Variants in ZNF148 observed in about 807,000 individuals in gnomAD.
The protein encoded by ZNF148 is Beta-Enolase Repressor Factor-1.
ZNF148 carries 7 observed loss-of-function variants against 67.7 expected under a neutral mutation model. The ratio of observed to expected loss-of-function variants is 0.10; its 90% CI spans 0.06 to 0.19. The LOEUF is 0.19. ZNF148 is among the 10% of genes least tolerant of loss of function. The pLI is 1.00. For synonymous variants in ZNF148, 333 were observed against 330.7 expected (o/e 1.01, Z -0.08); for missense variants, 583 against 947.1 (o/e 0.62, Z 5.05).
intron 7 of ZNF148, among the ~76,000 whole-genome samples, chr3:125,262,004 A>G (rs1482647359): frequency 6.6e-6 from 1 of 152,168 alleles, no homozygotes; most frequent in Admixed American, 6.5e-5. Flanking sequence ...ACTTTTCACC[A>G]TACAGTTCTA....
At chr3:125,344,894 A>C in intron 1 of ZNF148, 1 of 203,702 alleles carries the variant, frequency 4.9e-6, no homozygotes, top group Non-Finnish European at 9.9e-6. Context: ...TGGGCTCTGG[A>C]TCTCCTCTCA....
At chr3:125,352,791 A>C (rs1942202693) in intron 1 of ZNF148, among the ~76,000 whole-genome samples, 1 of 152,182 alleles carries the variant, frequency 6.6e-6, no homozygotes, top group African/African-American at 2.4e-5. Context: ...AAAGGCAACA[A>C]AACCAGAAGA....
intron 5 of ZNF148, among the ~76,000 whole-genome samples, chr3:125,284,773 T>C (rs1250355351): frequency 1.3e-5 from 2 of 152,204 alleles, no homozygotes; most frequent in Admixed American, 1.3e-4. Context: ...CCACAACAGA[T>C]GCAAATAGCT....
rs116463498 is a variant in ZNF148 at position 125,294,375 on chromosome 3, T to C, written c.334-6147A>G. Among the ~76,000 whole-genome samples the C allele has an allele frequency of 4.8e-3, 736 of 152,348 alleles. 6 individuals carry two copies. Among genetic ancestry groups the C allele is most frequent in the African/African-American group, 0.017 (703 of 41,578 alleles). Reference sequence around the variant, plus strand: ...GTAGTTTAATACTATTTCACCAATGTTAAATTCTTGGTCTTGACAACTGTA... The same window carrying C: ...GTAGTTTAATACTATTTCACCAATGCTAAATTCTTGGTCTTGACAACTGTA... On this transcript the variant is annotated intron_variant, in intron 4 of 8. Transcript: ENST00000360647.
chr3:125,311,406 A>G (rs1002167235), intron 4 of ZNF148: 5 of 152,234 alleles, frequency 3.3e-5, no homozygotes, highest in African/African-American at 1.2e-4. Context: ...TTCTTAAAAG[A>G]GTTTTTGCTT....
chr3:125,305,926 C>T (rs7646487), intron 4 of ZNF148, among the ~76,000 whole-genome samples: 118,093 of 152,026 alleles, frequency 0.78, 46,472 homozygotes, highest in African/African-American at 0.87. Flanking sequence ...ACTCACCAAA[C>T]AGATCATATG....
At chr3:125,294,043 T>C (rs1056536223) in intron 4 of ZNF148, among the ~76,000 whole-genome samples, 1 of 152,240 alleles carries the variant, frequency 6.6e-6, no homozygotes, top group Non-Finnish European at 1.5e-5. Flanking sequence ...ATCCACATTA[T>C]GTGCCCCCGA....
Position 125,328,881 on chromosome 3 carries a change from C to G in ZNF148, c.-153+2277G>C, listed in dbSNP as rs949836440. On this transcript the variant is annotated intron_variant, in intron 2 of 8. Coordinates refer to ENST00000360647, the MANE Select transcript of ZNF148 (RefSeq NM_021964.3). ...TGTCAAAGAGATAGAGAGATCCCCT[C>G]TCTCATAGACTACTGATATTTGGCC... is the stretch of plus-strand genomic sequence containing the variant. Among the ~76,000 whole-genome samples, 6 of 152,040 alleles carry G rather than the reference C, an allele frequency of 3.9e-5. 1 individual carries two copies. The South Asian group carries it at 1.2e-3, about 32-fold the overall frequency.
intron 1 of ZNF148, chr3:125,344,844 G>A (rs1038006247): frequency 5.8e-5 from 18 of 311,358 alleles, no homozygotes; most frequent in East Asian, 8.7e-5. Flanking sequence ...GGTGGCAGGC[G>A]ATGGGACACA....
Position 125,232,197 on chromosome 3 carries a change from T to A in ZNF148, c.*144A>T. On this transcript the variant is annotated 3_prime_UTR_variant, in exon 9 of 9. Transcript: ENST00000360647. This position sits in a 1 kb window ranked among gnomAD's most constrained non-coding sequence, Gnocchi z 4.2. Reference sequence around the variant, plus strand: ...GACTAACCAAACGAAATGCAGTTATTGGATTATCTTGCTATTCATATCAGC... The same window carrying A: ...GACTAACCAAACGAAATGCAGTTATAGGATTATCTTGCTATTCATATCAGC... 4 of 980,926 alleles carry A rather than the reference T, an allele frequency of 4.1e-6. No individual in the cohort carries two copies. The highest frequency in any genetic ancestry group is 5.7e-6 in the Non-Finnish European group (4 of 702,250). The allele number at this position is 980,926 out of a possible 1,614,324, so 60.8% of individuals were successfully genotyped here.
At position 125,246,375 on chromosome 3, in the gene ZNF148, G is replaced by A. The variant is rs939907198; in HGVS notation, c.668-12046C>T. 4.5e-4 allele frequency among the ~76,000 whole-genome samples: 69 copies of A among 152,124 alleles called. 2 individuals carry two copies. The highest frequency in any genetic ancestry group is 3.9e-3 in the Admixed American group (59 of 15,274). On this transcript the variant is annotated intron_variant, in intron 7 of 8. Transcript: ENST00000360647. Reference sequence around the variant, plus strand: ...AAAAAAAGATCATGTACCATTATGTGATGCAACATAAAATAGTACTTAAGA... The same window carrying A: ...AAAAAAAGATCATGTACCATTATGTAATGCAACATAAAATAGTACTTAAGA...
intron 3 of ZNF148, among the ~76,000 whole-genome samples, chr3:125,322,494 A>AAAGT (rs139369460): frequency 1.8e-5 from 1 of 56,194 alleles, no homozygotes; most frequent in South Asian, 4.2e-4. Flanking sequence ...GTGACGTGAC[A>AAAGT]AAGAGCCAGA....
At chr3:125,310,330 T>G (rs1390143183) in intron 4 of ZNF148, among the ~76,000 whole-genome samples, 1 of 152,054 alleles carries the variant, frequency 6.6e-6, no homozygotes, top group African/African-American at 2.4e-5. Flanking sequence ...TCCGCCACTT[T>G]AGCCTCCCAA....
In ZNF148 at chr3:125,233,672, T is replaced by G. The variant is rs1475254622; in HGVS notation, c.1054A>C (p.Ser352Arg). ...ATATACTCATCTTTTACTTTAGTAC[T>G]TGAAGAATAAAGAGGCAAGTAATCA... is the stretch of plus-strand genomic sequence containing the variant. ...KNDYLPLYSS[S>R]TKVKDEYMVA... is the part of the protein sequence containing the mutation. Residue 352 changes from serine (S) to arginine (R), a missense_variant, in exon 9 of 9, where the codon AGT (serine) becomes CGT (arginine). By Grantham distance (110) the Ser-to-Arg change is moderately radical. This residue lies in a region of ZNF148 where 78 missense variants were observed against 86.5 expected (regional missense o/e 0.90). Transcript: ENST00000360647. This position sits in a 1 kb window ranked among gnomAD's most constrained non-coding sequence, Gnocchi z 5.1. 1 of 1,613,996 alleles carries G rather than the reference T, an allele frequency of 6.2e-7. No homozygotes were observed. Among genetic ancestry groups the G allele is most frequent in the Admixed American group, 1.7e-5 (1 of 59,980 alleles).
rs1265752828 is a variant in ZNF148, at chr3:125,233,800, T to A, written c.926A>T (p.Asp309Val). ...CCTTTTCTTTTTTGGCAGTGAGTTG[T>A]CTTTTGGTGATGTAGAAAAGCCAGA... is the stretch of plus-strand genomic sequence containing the variant. ...EDSGFSTSPK[D>V]NSLPKKKRQK... Residue 309 changes from aspartate to valine, a missense_variant, in exon 9 of 9, where the codon GAC becomes GTC. Asp to Val is a radical substitution (Grantham distance 152). Transcript: ENST00000360647. The surrounding 1 kb of genome is among the most constrained non-coding windows in gnomAD (Gnocchi z 5.1). 6.2e-7 allele frequency: 1 copy of A among 1,613,940 alleles called. No homozygotes were observed.
At chr3:125,293,832 C>T (rs1229993134) in intron 4 of ZNF148, among the ~76,000 whole-genome samples, 2 of 152,072 alleles carry the variant, frequency 1.3e-5, no homozygotes, top group Non-Finnish European at 2.9e-5. Context: ...TGGTAATAAC[C>T]ATTACAGGCA....
rs1329384892 is a variant in ZNF148 at position 125,288,118 on chromosome 3, T to C, written c.444A>G (p.Gln148=). The C allele has an allele frequency of 8.1e-6, 13 of 1,613,878 alleles. No homozygotes were observed. Among genetic ancestry groups the C allele is most frequent in the South Asian group, 2.2e-5 (2 of 91,082 alleles). The part of the protein sequence containing the change: ...VDLQKKKKRK[Q]RSPAKILTIN... ...ATTGTCTTACTTTTGCGGGAGAACGTTGTTTCCGCTTCTTCTTTTTCTGTA... is the reference window on the plus strand; with the variant it reads ...ATTGTCTTACTTTTGCGGGAGAACGCTGTTTCCGCTTCTTCTTTTTCTGTA... The change falls in exon 5 of 9, where the codon CAA becomes CAG. Residue 148 remains glutamine, a synonymous_variant. Coordinates refer to ENST00000360647, the MANE Select transcript of ZNF148 (RefSeq NM_021964.3).
At chr3:125,371,658 CAAAAA>C (rs34843090) in intron 1 of ZNF148, among the ~76,000 whole-genome samples, 3 of 51,190 alleles carry the variant, frequency 5.9e-5, no homozygotes, top group African/African-American at 8.1e-5. Flanking sequence ...GACTCCGTCC[CAAAAA>C]AAAAAAAAAA....
chr3:125,277,883 G>A (rs548015298), intron 6 of ZNF148, 74 bp from the exon 7 acceptor site: 7 of 1,282,802 alleles, frequency 5.5e-6, no homozygotes, highest in Non-Finnish European at 7.3e-6. Flanking sequence ...TCTGAGGAAA[G>A]AAAAATCTTA....
Sources: allele counts gnomAD v4.1 joint callset (sites outside exome capture counted in the v4.1 genomes callset), GRCh38; gene constraint gnomAD v4.1.1; regional missense constraint gnomAD v4.1.1; non-coding constraint Gnocchi (gnomAD v3.1); transcripts MANE v1.5; gene names NCBI Gene and HGNC (gene_info 2026-07-23, HGNC 2026-07-21).